The following HERC6 variants were observed in gnomAD, a reference collection of about 807,000 sequenced individuals.
The protein encoded by HERC6 is HECT and RLD domain containing E3 ubiquitin protein ligase family member 6.
Under a neutral mutation model 114.5 loss-of-function variants are expected in HERC6, and 101 were observed. The ratio of observed to expected loss-of-function variants is 0.88; its 90% confidence interval spans 0.75 to 1.04. HERC6 has a LOEUF of 1.04. Ranked by LOEUF, HERC6 falls within the 50% of genes least tolerant of loss-of-function variation. The probability of loss-of-function intolerance (pLI) is 0.00; values close to 1 mark genes in which losing one functional copy is unlikely to be tolerated. For synonymous variants in HERC6, 408 were observed against 436.2 expected (o/e 0.94, Z 0.81); for missense variants, 1,133 against 1,230.9 (o/e 0.92, Z 1.19).
rs1199264621 is a variant in HERC6, at chr4:88,442,297, G to A, written c.2906G>A (p.Arg969His). ...ATACAGAAAATGGAAATAGTATTTCGCTGTCCTGAAACTTTCAGTGAAAGA... is the reference window on the plus strand; with the variant it reads ...ATACAGAAAATGGAAATAGTATTTCACTGTCCTGAAACTTTCAGTGAAAGA... The part of the protein sequence containing the change: ...RGIQKMEIVF[R>H]CPETFSERDH... Residue 969 changes from arginine (R) to histidine (H), a missense_variant, in exon 23 of 23, where the codon CGC (arginine) becomes CAC (histidine). Physicochemically the swap from Arg to His is conservative, Grantham distance 29 (BLOSUM62 0). This residue lies in a region of HERC6 where 388 missense variants were observed against 445.9 expected (regional missense o/e 0.87). Coordinates refer to ENST00000264346, the MANE Select transcript of HERC6 (RefSeq NM_017912.4). 4 of 1,613,584 alleles carry A rather than the reference G, an allele frequency of 2.5e-6. No individual in the cohort carries two copies. The highest frequency in any genetic ancestry group is 3.4e-6 in the Non-Finnish European group (4 of 1,179,774).
intron 17 of HERC6, among the ~76,000 whole-genome samples, chr4:88,433,075 G>A (rs373549737): frequency 1.3e-5 from 2 of 152,178 alleles, no homozygotes; most frequent in South Asian, 4.1e-4. Flanking sequence ...GTGACAGAGC[G>A]AGACTCCATC....
chr4:88,378,955 C>G lies in HERC6; in HGVS notation c.34C>G (p.Leu12Val), dbSNP rs1195354031. Residue 12 changes from leucine (L) to valine (V), a missense_variant, in exon 1 of 23, where the codon CTG (leucine) becomes GTG (valine). Coordinates refer to ENST00000264346, the MANE Select transcript of HERC6 (RefSeq NM_017912.4). The part of the protein sequence containing the change: ...YFCWGADSRE[L>V]QRRRTAGSPG... ...CTGTTGGGGCGCCGACTCCAGGGAG[C>G]TGCAGCGCCGGAGGACGGCGGGCAG... 2 of 1,595,146 alleles carry G rather than the reference C, an allele frequency of 1.3e-6. No individual in the cohort carries two copies. The highest frequency in any genetic ancestry group is 2.3e-5 in the South Asian group (2 of 88,038).
Position 88,379,132 on chromosome 4 carries a change from G to A in HERC6, c.199+12G>A, listed in dbSNP as rs1418860399. On this transcript the variant is annotated intron_variant, in intron 1 of 22. Transcript: ENST00000264346. ...CGGGGAGCTGCCAGGTGAGCGGGGG[G>A]CCCCAGGTGCAGGGTGTGAGGACCC... is the stretch of plus-strand genomic sequence containing the variant. 6 of 1,534,040 alleles carry A rather than the reference G, an allele frequency of 3.9e-6. No homozygotes were observed. In the Admixed American group the frequency reaches 5.9e-5, roughly 15 times the overall value.
intron 8 of HERC6, among the ~76,000 whole-genome samples, chr4:88,401,490 CAAAAA>C (rs934279048): frequency 1.8e-5 from 1 of 56,728 alleles, no homozygotes. Context: ...GACTCCATCT[CAAAAA>C]AAAAAAAAAA....
intron 2 of HERC6, among the ~76,000 whole-genome samples, chr4:88,385,013 A>C (rs1180962590): frequency 7.0e-6 from 1 of 143,350 alleles, no homozygotes; most frequent in African/African-American, 2.6e-5. Context: ...ACAGAGCAAG[A>C]CTCCGTCTGT....
Position 88,390,651 on chromosome 4 carries a change from G to A in HERC6, c.437-1G>A, listed in dbSNP as rs1214463191. 6.3e-7 allele frequency: 1 copy of A among 1,594,582 alleles called. No homozygotes were observed. The highest frequency in any genetic ancestry group is 1.3e-5 in the African/African-American group (1 of 74,482). Reference sequence around the variant, plus strand: ...TTCTTAATTTCTCGTCTTTGTTGTAGATAGCCAAGTGTTTTCGTGGGGAAA... The same window carrying A: ...TTCTTAATTTCTCGTCTTTGTTGTAAATAGCCAAGTGTTTTCGTGGGGAAA... On this transcript the variant is annotated splice_acceptor_variant, in intron 3 of 22. Transcript: ENST00000264346. LOFTEE classifies it high-confidence loss of function.
At chr4:88,428,494 C>T in intron 15 of HERC6, 86 bp from the exon 16 acceptor site, 2 of 1,030,578 alleles carry the variant, frequency 1.9e-6, no homozygotes, top group African/African-American at 1.6e-5. Context: ...ATATACTACA[C>T]AAAATGTTTA....
chr4:88,426,051 A>G (rs1737571770), intron 15 of HERC6, among the ~76,000 whole-genome samples: 1 of 152,168 alleles, frequency 6.6e-6, no homozygotes, highest in Admixed American at 6.5e-5. Flanking sequence ...GACATTTTCC[A>G]ATGTGCCATG....
chr4:88,379,895 T>A lies in HERC6; in HGVS notation c.199+775T>A. Among the ~76,000 whole-genome samples, 3 of 12,606 alleles carry A rather than the reference T, an allele frequency of 2.4e-4. 1 individual carries two copies. The highest frequency in any genetic ancestry group is 3.4e-4 in the Non-Finnish European group (3 of 8,786). The allele number at this position is 12,606 out of a possible 152,430, so 8.3% of individuals were successfully genotyped here. On this transcript the variant is annotated intron_variant, in intron 1 of 22. Coordinates refer to ENST00000264346, the MANE Select transcript of HERC6 (RefSeq NM_017912.4). ...ATATAATATATAAATATATATATAATATATAAATATATATAATATATAAAT... is the reference window on the plus strand; with the variant it reads ...ATATAATATATAAATATATATATAAAATATAAATATATATAATATATAAAT...
chr4:88,383,236 T>C lies in HERC6; in HGVS notation c.215T>C (p.Leu72Ser), dbSNP rs1388710890. Residue 72 changes from leucine to serine, a missense_variant, in exon 2 of 23, where the codon TTG becomes TCG. Leu to Ser is a moderately radical substitution (Grantham distance 145). Transcript: ENST00000264346. ...TTTCCCAAAGAACCAATTCAGGCATTGGAAACCCTAATTGTTGATCTCGTG... is the reference window on the plus strand; with the variant it reads ...TTTCCCAAAGAACCAATTCAGGCATCGGAAACCCTAATTGTTGATCTCGTG... ...RGELPEPIQA[L>S]ETLIVDLVSC... The C allele has an allele frequency of 6.2e-7, 1 of 1,610,638 alleles. No individual in the cohort carries two copies. The highest frequency in any genetic ancestry group is 8.5e-7 in the Non-Finnish European group (1 of 1,178,558).
chr4:88,423,931 T>C lies in HERC6; in HGVS notation c.1785T>C (p.Phe595=), dbSNP rs767761451. Residue 595 remains phenylalanine (F), a synonymous_variant, in exon 14 of 23, where the codon TTT becomes TTC. Transcript: ENST00000264346. The part of the protein sequence containing the change: ...NINELSNLLN[F]YIDRGRQLFR... ...ATGAACTCTCCAACTTATTAAACTTTTATATAGATAGAGGAAGACAGCTCT... is the reference window on the plus strand; with the variant it reads ...ATGAACTCTCCAACTTATTAAACTTCTATATAGATAGAGGAAGACAGCTCT... 7 of 1,567,024 alleles carry C rather than the reference T, an allele frequency of 4.5e-6. No homozygotes were observed. The Admixed American group carries it at 1.4e-4, about 31-fold the overall frequency.
chr4:88,379,132 G>C lies in HERC6; in HGVS notation c.199+12G>C. ...CGGGGAGCTGCCAGGTGAGCGGGGG[G>C]CCCCAGGTGCAGGGTGTGAGGACCC... On this transcript the variant is annotated intron_variant, in intron 1 of 22. Transcript: ENST00000264346. The C allele has an allele frequency of 6.5e-7, 1 of 1,534,156 alleles. No individual in the cohort carries two copies. The highest frequency in any genetic ancestry group is 8.7e-7 in the Non-Finnish European group (1 of 1,143,308).
intron 8 of HERC6, among the ~76,000 whole-genome samples, chr4:88,402,653 T>C (rs1282343112): frequency 6.6e-6 from 1 of 152,144 alleles, no homozygotes; most frequent in Non-Finnish European, 1.5e-5. Flanking sequence ...AATCGTGGTA[T>C]GAAGAAGACA....
chr4:88,379,859 C>A lies in HERC6; in HGVS notation c.199+739C>A, dbSNP rs374045999. On this transcript the variant is annotated intron_variant, in intron 1 of 22. Transcript: ENST00000264346. ...ATATAATATATAAATATATATATAG[C>A]ATATAAATATATATAATATATAAAT... 7.3e-4 allele frequency among the ~76,000 whole-genome samples: 18 copies of A among 24,674 alleles called. 3 individuals carry two copies. Among genetic ancestry groups the A allele is most frequent in the African/African-American group, 1.0e-3 (5 of 4,874 alleles). 16.2% of individuals were successfully genotyped at this position (24,674 alleles called of 152,430 possible). A position where few individuals can be genotyped will look rare whatever the true frequency, so the allele number is the denominator to read the frequency against.
At chr4:88,424,092 A>C in intron 14 of HERC6, 119 bp downstream of exon 14, 2 of 566,002 alleles carry the variant, frequency 3.5e-6, no homozygotes, top group Non-Finnish European at 6.2e-6. Flanking sequence ...AATTGCAATG[A>C]TAAATTTGCT....
chr4:88,424,579 T>C lies in HERC6; in HGVS notation c.1828-16T>C. On this transcript the variant is annotated splice_polypyrimidine_tract_variant and intron_variant, in intron 14 of 22. Coordinates refer to ENST00000264346, the MANE Select transcript of HERC6 (RefSeq NM_017912.4). ...GTTTTTAATTATCAAAACTATTATC[T>C]CTGTTTATTTTTTAGATACCTGCAG... 1 of 1,516,790 alleles carries C rather than the reference T, an allele frequency of 6.6e-7. No homozygotes were observed. The highest frequency in any genetic ancestry group is 1.2e-5 in the South Asian group (1 of 86,102). 94.0% of individuals were successfully genotyped at this position (1,516,790 alleles called of 1,614,324 possible).
At chr4:88,392,449 C>T (rs1734972050) in intron 4 of HERC6, among the ~76,000 whole-genome samples, 2 of 152,034 alleles carry the variant, frequency 1.3e-5, no homozygotes, top group Admixed American at 1.3e-4. Context: ...CTCAACCTCC[C>T]AAAGCACTGG....
At chr4:88,428,528 G>A (rs1402733373) in intron 15 of HERC6, 52 bp from the exon 16 acceptor site, 1 of 1,380,042 alleles carries the variant, frequency 7.2e-7, no homozygotes, top group Admixed American at 2.6e-5. Context: ...ACAATCCTTG[G>A]GATTCCTATG....
intron 9 of HERC6, among the ~76,000 whole-genome samples, chr4:88,405,235 G>T (rs757993752): frequency 2.0e-5 from 3 of 152,166 alleles, no homozygotes; most frequent in Non-Finnish European, 4.4e-5. Context: ...AATCAAAAAA[G>T]CTCACAAAGC....
Sources: allele counts gnomAD v4.1 joint callset (sites outside exome capture counted in the v4.1 genomes callset), GRCh38; gene constraint gnomAD v4.1.1; regional missense constraint gnomAD v4.1.1; transcripts MANE v1.5; gene names NCBI Gene and HGNC (gene_info 2026-07-23, HGNC 2026-07-21).